Variants in CADPS observed in about 807,000 individuals in gnomAD.
CADPS encodes calcium-dependent secretion activator 1.
CADPS carries 57 observed loss-of-function variants against 167.3 expected under a neutral mutation model. That is an observed-to-expected ratio of 0.34 (90% CI 0.28 to 0.42). The LOEUF is 0.42. Ranked by LOEUF, CADPS falls within the 20% of genes least tolerant of loss-of-function variation. The pLI is 1.00. For synonymous variants in CADPS, 676 were observed against 635.3 expected (o/e 1.06, Z -0.96); for missense variants, 1,414 against 1,738.1 (o/e 0.81, Z 3.32).
chr3:62,756,386 C>A (rs1182378913), intron 2 of CADPS, among the ~76,000 whole-genome samples: 1 of 152,154 alleles, frequency 6.6e-6, no homozygotes, highest in Admixed American at 6.5e-5. Flanking sequence ...AATTTCTTAT[C>A]CATACACCAA....
intron 1 of CADPS, chr3:62,779,573 A>G: frequency 1.9e-6 from 1 of 533,288 alleles, no homozygotes. Flanking sequence ...CTTATGGGAC[A>G]TAATTCTGCT....
chr3:62,823,069 T>C (rs1314950671), intron 1 of CADPS, among the ~76,000 whole-genome samples: 3 of 152,202 alleles, frequency 2.0e-5, no homozygotes, highest in Non-Finnish European at 2.9e-5. Context: ...CCATTTATTC[T>C]GCCACTTTGT....
chr3:62,456,450 G>A (rs548765577), intron 26 of CADPS, among the ~76,000 whole-genome samples: 3 of 152,274 alleles, frequency 2.0e-5, no homozygotes, highest in East Asian at 3.9e-4. Flanking sequence ...TAAGGGTCCT[G>A]AGCCTGAAGC....
chr3:62,853,815 G>C (rs1437211533), intron 1 of CADPS, among the ~76,000 whole-genome samples: 5 of 151,940 alleles, frequency 3.3e-5, no homozygotes, highest in African/African-American at 4.8e-5. Flanking sequence ...ACTTAGCCAG[G>C]TGTGGTGGTG....
rs969563468 is a variant in CADPS, at chr3:62,528,526, GA to G, written c.2291+4344del. On this transcript the variant is annotated intron_variant, in intron 13 of 29. Transcript: ENST00000383710. ...CACCTTCGAAAACATTTTTATTTAT[GA>G]AACCTGACGATGGACTATTTCACTT... Among the ~76,000 whole-genome samples, 113 of 152,196 alleles carry G rather than the reference GA, an allele frequency of 7.4e-4. 1 individual carries two copies. Among genetic ancestry groups the G allele is most frequent in the African/African-American group, 2.5e-3 (104 of 41,512 alleles).
intron 26 of CADPS, among the ~76,000 whole-genome samples, chr3:62,451,391 T>A (rs911693678): frequency 2.6e-5 from 4 of 151,914 alleles, no homozygotes; most frequent in African/African-American, 9.7e-5. Context: ...TTAAACCACT[T>A]CTTTTGCTTC....
At chr3:62,696,323 C>A (rs35378408) in intron 3 of CADPS, among the ~76,000 whole-genome samples, 12,059 of 152,230 alleles carry the variant, frequency 0.079, 639 homozygotes, top group Non-Finnish European at 0.12. Context: ...TTCCTGCAAA[C>A]CCCCTGCCAC....
At chr3:62,788,918 A>G (rs2092699277) in intron 1 of CADPS, among the ~76,000 whole-genome samples, 1 of 152,196 alleles carries the variant, frequency 6.6e-6, no homozygotes, top group Admixed American at 6.5e-5. Flanking sequence ...CTTAAGTAGG[A>G]CTGCAAATAG....
intron 7 of CADPS, among the ~76,000 whole-genome samples, chr3:62,590,023 T>C (rs1001255057): frequency 3.3e-5 from 5 of 152,010 alleles, no homozygotes; most frequent in Middle Eastern, 6.3e-3. Context: ...ACCCTGTCTC[T>C]ACTAAAAATA....
chr3:62,639,483 G>A (rs909037170), intron 6 of CADPS, among the ~76,000 whole-genome samples: 5 of 152,076 alleles, frequency 3.3e-5, no homozygotes, highest in African/African-American at 7.2e-5. Context: ...TATAGACCAT[G>A]CTCAGGCGCT....
At chr3:62,720,443 C>T (rs1256373255) in intron 3 of CADPS, among the ~76,000 whole-genome samples, 1 of 152,026 alleles carries the variant, frequency 6.6e-6, no homozygotes, top group Non-Finnish European at 1.5e-5. Flanking sequence ...GCAATCCTCC[C>T]ACTTTAGTCT....
intron 28 of CADPS, chr3:62,404,818 C>T (rs1205634940): frequency 2.9e-4 from 42 of 144,008 alleles, no homozygotes; most frequent in Non-Finnish European, 6.0e-5. Context: ...GCAGTTCACT[C>T]CATGGAGGCA....
At chr3:62,811,268 C>G (rs2094381010) in intron 1 of CADPS, among the ~76,000 whole-genome samples, 1 of 151,982 alleles carries the variant, frequency 6.6e-6, no homozygotes, top group Non-Finnish European at 1.5e-5. Flanking sequence ...ATATTCCACC[C>G]ACTCCTCCTA....
At chr3:62,784,438 T>C (rs751469447) in intron 1 of CADPS, among the ~76,000 whole-genome samples, 3 of 151,998 alleles carry the variant, frequency 2.0e-5, no homozygotes, top group Non-Finnish European at 4.4e-5. Flanking sequence ...ACATGAAAAA[T>C]AGAATGATAC....
Position 62,421,212 on chromosome 3 carries a change from C to T in CADPS, c.3777+16892G>A, listed in dbSNP as rs573745085. On this transcript the variant is annotated intron_variant, in intron 28 of 29. Coordinates refer to ENST00000383710, the MANE Select transcript of CADPS (RefSeq NM_003716.4). This position sits in a 1 kb window ranked among gnomAD's most constrained non-coding sequence, Gnocchi z 4.7. ...ACTCTGCCTTGCCGTCAATGCTTCT[C>T]GTCCACAAGGCTCCCTCCCCCTTCC... Among the ~76,000 whole-genome samples the T allele has an allele frequency of 2.8e-4, 43 of 152,244 alleles. No homozygotes were observed. Among genetic ancestry groups the T allele is most frequent in the South Asian group, 2.1e-4 (1 of 4,808 alleles).
chr3:62,771,421 C>T (rs2088714272), intron 1 of CADPS, among the ~76,000 whole-genome samples: 1 of 152,122 alleles, frequency 6.6e-6, no homozygotes, highest in Admixed American at 6.5e-5. Context: ...TTGCAAAAGC[C>T]AGTCTAAGAA....
At chr3:62,415,624 G>C (rs1429207192) in intron 28 of CADPS, among the ~76,000 whole-genome samples, 1 of 152,180 alleles carries the variant, frequency 6.6e-6, no homozygotes, top group Non-Finnish European at 1.5e-5. Flanking sequence ...TCAGCGGGGA[G>C]GCAGAGGGAT....
At chr3:62,765,794 C>T (rs974978900) in intron 2 of CADPS, 77 bp downstream of exon 2, 18 of 833,434 alleles carry the variant, frequency 2.2e-5, no homozygotes, top group Non-Finnish European at 1.9e-6. Flanking sequence ...AACGACTGTC[C>T]CCATTGCCCT....
intron 26 of CADPS, among the ~76,000 whole-genome samples, chr3:62,461,276 T>C (rs1038212196): frequency 4.6e-5 from 7 of 152,240 alleles, no homozygotes; most frequent in African/African-American, 1.7e-4. Context: ...TATTTTAGAC[T>C]TCTGAATTCA....
Sources: gnomAD v4.1 joint callset for allele counts (sites outside exome capture counted in the v4.1 genomes callset) on GRCh38, gnomAD v4.1.1 for gene constraint, Gnocchi (gnomAD v3.1) non-coding constraint, MANE v1.5 for transcripts, NCBI Gene and HGNC (gene_info 2026-07-23, HGNC 2026-07-21) for gene names.